The following ITPR2 variants were observed in gnomAD, a reference collection of about 807,000 sequenced individuals.
The protein encoded by ITPR2 is inositol 1,4,5-trisphosphate receptor type 2, also known as inositol 1,4,5-trisphosphate-gated calcium channel ITPR2.
ITPR2 carries 207 observed loss-of-function variants against 317.1 expected under a neutral mutation model. The observed-to-expected ratio is 0.65, with a 90% confidence interval of 0.58 to 0.73. The LOEUF (loss-of-function observed/expected upper bound fraction) is 0.73, where lower values mean the gene tolerates loss of function less well. ITPR2 is among the 30% of genes least tolerant of loss of function. The pLI, the probability that ITPR2 is intolerant of heterozygous loss-of-function variation, is 0.00. For missense variants in ITPR2, 2,613 were observed against 3,284.0 expected (o/e 0.80, Z 4.99); for synonymous variants, 1,156 against 1,149.1 (o/e 1.01, Z -0.12).
chr12:26,655,909 A>G, intron 19 of ITPR2, 57 bp from the exon 20 acceptor site: 1 of 1,502,394 alleles, frequency 6.7e-7, no homozygotes, highest in Middle Eastern at 2.0e-4. Context: ...ATTTAAAAAT[A>G]GGAAAACACA....
chr12:26,552,061 T>G (rs1041352218), intron 36 of ITPR2, among the ~76,000 whole-genome samples: 1 of 152,072 alleles, frequency 6.6e-6, no homozygotes, highest in Non-Finnish European at 1.5e-5. Flanking sequence ...GGTGAGGACG[T>G]ACGAAGCAAC....
At chr12:26,508,353 G>C (rs773209887) in intron 37 of ITPR2, among the ~76,000 whole-genome samples, 2 of 152,078 alleles carry the variant, frequency 1.3e-5, no homozygotes, top group Non-Finnish European at 2.9e-5. Flanking sequence ...TATTATACCT[G>C]TTTTCTAGTT....
chr12:26,624,391 C>T (rs766405322), intron 23 of ITPR2, 35 bp from the exon 24 acceptor site: 11 of 1,464,674 alleles, frequency 7.5e-6, no homozygotes, highest in Non-Finnish European at 9.5e-6. Flanking sequence ...CTTCTTTATC[C>T]TATTTTAATT....
chr12:26,448,222 A>T (rs74072164), intron 45 of ITPR2, among the ~76,000 whole-genome samples: 1,702 of 152,150 alleles, frequency 0.011, 26 homozygotes, highest in African/African-American at 0.038. Flanking sequence ...CAACTTTACT[A>T]TTGACAAAGA....
At chr12:26,770,965 G>A (rs762663717) in intron 2 of ITPR2, among the ~76,000 whole-genome samples, 6 of 152,074 alleles carry the variant, frequency 3.9e-5, no homozygotes, top group African/African-American at 4.8e-5. Context: ...GTCCTCCTCG[G>A]CTTATGGCAG....
intron 13 of ITPR2, among the ~76,000 whole-genome samples, chr12:26,672,572 G>A (rs1208441549): frequency 1.3e-5 from 2 of 150,226 alleles, no homozygotes; most frequent in Admixed American, 1.3e-4. Context: ...GAAATTTATA[G>A]CACTAAATGC....
At chr12:26,457,545 C>A (rs150571989) in intron 45 of ITPR2, among the ~76,000 whole-genome samples, 1 of 152,154 alleles carries the variant, frequency 6.6e-6, no homozygotes, top group Non-Finnish European at 1.5e-5. Context: ...CTCTACAGAA[C>A]GCGTGGATGA....
chr12:26,603,128 T>A (rs565735596), intron 26 of ITPR2, among the ~76,000 whole-genome samples: 1 of 152,074 alleles, frequency 6.6e-6, no homozygotes, highest in African/African-American at 2.4e-5. Flanking sequence ...ATGGAGCAGA[T>A]CATCATAGCT....
intron 43 of ITPR2, among the ~76,000 whole-genome samples, chr12:26,478,809 T>C (rs902628790): frequency 2.0e-5 from 3 of 151,724 alleles, no homozygotes; most frequent in African/African-American, 7.2e-5. Flanking sequence ...TACAGCTCAG[T>C]TTTGCAAATG....
intron 13 of ITPR2, among the ~76,000 whole-genome samples, chr12:26,678,012 C>T (rs1200789470): frequency 2.0e-5 from 3 of 152,134 alleles, no homozygotes; most frequent in Non-Finnish European, 2.9e-5. Flanking sequence ...TGGCCTTCAC[C>T]ACCACATTAG....
chr12:26,387,632 A>G, intron 54 of ITPR2, 38 bp from the exon 55 acceptor site: 2 of 1,587,516 alleles, frequency 1.3e-6, no homozygotes, highest in Non-Finnish European at 1.7e-6. Context: ...GTAATTCGTC[A>G]TTTAATCAGT....
At chr12:26,540,195 T>A (rs892618120) in intron 37 of ITPR2, among the ~76,000 whole-genome samples, 1 of 152,220 alleles carries the variant, frequency 6.6e-6, no homozygotes, top group Non-Finnish European at 1.5e-5. Flanking sequence ...TTCTAACTTA[T>A]TTAAAATGGC....
chr12:26,591,213 T>C (rs1945693558), intron 32 of ITPR2, among the ~76,000 whole-genome samples: 1 of 151,298 alleles, frequency 6.6e-6, no homozygotes, highest in Non-Finnish European at 1.5e-5. Context: ...CCAGAATCTA[T>C]AAGGACCTCA....
chr12:26,717,108 T>A (rs1210336975), intron 5 of ITPR2, among the ~76,000 whole-genome samples: 1 of 152,176 alleles, frequency 6.6e-6, no homozygotes, highest in Non-Finnish European at 1.5e-5. Flanking sequence ...ATTATTATAG[T>A]AAATAAAATC....
At chr12:26,815,853 G>C (rs1193782324) in intron 1 of ITPR2, among the ~76,000 whole-genome samples, 3 of 152,106 alleles carry the variant, frequency 2.0e-5, no homozygotes, top group Non-Finnish European at 4.4e-5. Context: ...CAGCACTTTG[G>C]GAGGCTGAGG....
chr12:26,435,845 CAA>C (rs1171191872), intron 48 of ITPR2, among the ~76,000 whole-genome samples: 1 of 151,826 alleles, frequency 6.6e-6, no homozygotes, highest in Non-Finnish European at 1.5e-5. Flanking sequence ...AGACAGAAAA[CAA>C]AGAGAGTAAA....
chr12:26,645,792 A>G (rs1246563605), intron 21 of ITPR2, among the ~76,000 whole-genome samples: 1 of 152,186 alleles, frequency 6.6e-6, no homozygotes. Flanking sequence ...TTCAAAAGAG[A>G]TGAACACTGG....
At chr12:26,379,223 T>C (rs563955450) in intron 55 of ITPR2, among the ~76,000 whole-genome samples, 2 of 152,240 alleles carry the variant, frequency 1.3e-5, no homozygotes, top group East Asian at 3.9e-4. Context: ...ATAAGAACAA[T>C]AGGATCTGCC....
At chr12:26,576,707 G>T (rs1209016269) in intron 34 of ITPR2, among the ~76,000 whole-genome samples, 2 of 152,220 alleles carry the variant, frequency 1.3e-5, no homozygotes, top group Non-Finnish European at 2.9e-5. Context: ...TCCATGCAAA[G>T]GAGTGGCCCA....
Sources: gnomAD v4.1 joint callset for allele counts (sites outside exome capture counted in the v4.1 genomes callset) on GRCh38, gnomAD v4.1.1 for gene constraint, MANE v1.5 for transcripts, NCBI Gene and HGNC (gene_info 2026-07-23, HGNC 2026-07-21) for gene names.